The following TSHZ1 variants were observed in gnomAD, a reference collection of about 807,000 sequenced individuals.
The protein encoded by TSHZ1 is teashirt zinc finger homeobox 1.
In TSHZ1, 12 loss-of-function variants were observed where a neutral mutation model predicts 67.1. That is an observed-to-expected ratio of 0.18 (90% CI 0.11 to 0.29). TSHZ1 has a LOEUF of 0.29. TSHZ1 is among the 10% of genes least tolerant of loss of function. The pLI, the probability that TSHZ1 is intolerant of heterozygous loss-of-function variation, is 1.00. For synonymous variants in TSHZ1, 632 were observed against 622.4 expected (o/e 1.02, Z -0.23); for missense variants, 1,305 against 1,413.9 (o/e 0.92, Z 1.23).
Position 75,287,741 on chromosome 18 carries a change from C to T in TSHZ1, c.2334C>T (p.Ser778=), listed in dbSNP as rs2023798995. 6.2e-7 allele frequency: 1 copy of T among 1,614,026 alleles called. No homozygotes were observed. Among genetic ancestry groups the T allele is most frequent in the Non-Finnish European group, 8.5e-7 (1 of 1,180,024 alleles). The part of the protein sequence containing the change: ...LDPLAMLYKI[S]NSMLDKPVYP... ...CGCTGGCGATGCTGTACAAGATCAGCAACAGCATGCTGGACAAGCCGGTGT... is the reference window on the plus strand; with the variant it reads ...CGCTGGCGATGCTGTACAAGATCAGTAACAGCATGCTGGACAAGCCGGTGT... Residue 778 remains serine (S), a synonymous_variant, in exon 2 of 2, where the codon AGC becomes AGT. Coordinates refer to ENST00000580243, the MANE Select transcript of TSHZ1 (RefSeq NM_001308210.2). This position sits in a 1 kb window ranked among gnomAD's most constrained non-coding sequence, Gnocchi z 5.0.
chr18:75,232,294 T>C (rs1467483262), intron 1 of TSHZ1, among the ~76,000 whole-genome samples: 1 of 152,202 alleles, frequency 6.6e-6, no homozygotes, highest in Admixed American at 6.5e-5. Context: ...AGTTGAGTTT[T>C]AATGCGTCTA....
At chr18:75,213,107 T>G (rs1399966925) in intron 1 of TSHZ1, among the ~76,000 whole-genome samples, 1 of 152,212 alleles carries the variant, frequency 6.6e-6, no homozygotes, top group East Asian at 1.9e-4. Flanking sequence ...TGTTCAAGTC[T>G]TTATACGTGC....
intron 1 of TSHZ1, among the ~76,000 whole-genome samples, chr18:75,237,202 G>T (rs1202548899): frequency 6.6e-6 from 1 of 152,202 alleles, no homozygotes; most frequent in Non-Finnish European, 1.5e-5. Flanking sequence ...GAATCTTTCT[G>T]TTGCTGTCAT....
chr18:75,213,121 T>C (rs2022720817), intron 1 of TSHZ1, among the ~76,000 whole-genome samples: 1 of 152,230 alleles, frequency 6.6e-6, no homozygotes, highest in African/African-American at 2.4e-5. Flanking sequence ...TACGTGCTTT[T>C]TCTGGGGAAG....
At chr18:75,220,905 A>G (rs932442359) in intron 1 of TSHZ1, among the ~76,000 whole-genome samples, 12 of 152,210 alleles carry the variant, frequency 7.9e-5, no homozygotes, top group Non-Finnish European at 1.6e-4. Context: ...CAATTACATT[A>G]TTGTAGATTT....
intron 1 of TSHZ1, among the ~76,000 whole-genome samples, chr18:75,230,429 C>T (rs925923672): frequency 5.9e-5 from 9 of 152,190 alleles, no homozygotes; most frequent in African/African-American, 1.2e-4. Flanking sequence ...ACTCAACTTT[C>T]GCAGCCACAA....
chr18:75,287,585 C>G lies in TSHZ1; in HGVS notation c.2178C>G (p.Gly726=), dbSNP rs774687217. ...TEPLKAKVTN[G]CNNLGIIMDH... ...CTCTCAAAGCAAAGGTCACCAACGG[C>G]TGTAACAACCTGGGGATCATCATGG... is the stretch of plus-strand genomic sequence containing the variant. Residue 726 remains glycine, a synonymous_variant, in exon 2 of 2, where the codon GGC becomes GGG. Coordinates refer to ENST00000580243, the MANE Select transcript of TSHZ1 (RefSeq NM_001308210.2). This position sits in a 1 kb window ranked among gnomAD's most constrained non-coding sequence, Gnocchi z 5.0. 3 of 1,614,226 alleles carry G rather than the reference C, an allele frequency of 1.9e-6. No homozygotes were observed. In the East Asian group the frequency reaches 6.7e-5, roughly 36 times the overall value.
rs1166958983 is a variant in TSHZ1 at position 75,286,917 on chromosome 18, A to G, written c.1510A>G (p.Lys504Glu). The change falls in exon 2 of 2, where the codon AAG (lysine) becomes GAG (glutamate). Residue 504 changes from lysine to glutamate, a missense_variant. Coordinates refer to ENST00000580243, the MANE Select transcript of TSHZ1 (RefSeq NM_001308210.2). This position sits in a 1 kb window ranked among gnomAD's most constrained non-coding sequence, Gnocchi z 5.1. ...TTSEEKKEPE[K>E]EKPPVAGDAE... is the part of the protein sequence containing the mutation. Reference sequence around the variant, plus strand: ...TTCTGAAGAAAAGAAAGAGCCAGAGAAGGAGAAGCCGCCTGTGGCTGGCGA... The same window carrying G: ...TTCTGAAGAAAAGAAAGAGCCAGAGGAGGAGAAGCCGCCTGTGGCTGGCGA... 1 of 1,614,152 alleles carries G rather than the reference A, an allele frequency of 6.2e-7. No individual in the cohort carries two copies. The highest frequency in any genetic ancestry group is 1.7e-5 in the Admixed American group (1 of 60,028).
intron 1 of TSHZ1, among the ~76,000 whole-genome samples, chr18:75,259,431 A>C (rs934786306): frequency 7.2e-5 from 11 of 152,176 alleles, no homozygotes; most frequent in Admixed American, 3.3e-4. Flanking sequence ...TAGTGTGATG[A>C]AATCTTGTAC....
intron 1 of TSHZ1, among the ~76,000 whole-genome samples, chr18:75,236,547 G>A (rs576194781): frequency 6.6e-5 from 10 of 152,058 alleles, no homozygotes; most frequent in Non-Finnish European, 1.3e-4. Flanking sequence ...GCAAAGTGCC[G>A]ATATCTGATA....
At chr18:75,225,694 A>C (rs1489922933) in intron 1 of TSHZ1, among the ~76,000 whole-genome samples, 6 of 151,632 alleles carry the variant, frequency 4.0e-5, no homozygotes, top group African/African-American at 1.5e-4. Flanking sequence ...GTGGGCTCGC[A>C]CGCCATCCTG....
chr18:75,254,879 C>T (rs1306013389), intron 1 of TSHZ1, among the ~76,000 whole-genome samples: 1 of 152,154 alleles, frequency 6.6e-6, no homozygotes, highest in Non-Finnish European at 1.5e-5. Flanking sequence ...TTTTCCAGTG[C>T]TTAAACATTT....
chr18:75,215,524 G>T (rs2022755131), intron 1 of TSHZ1, among the ~76,000 whole-genome samples: 1 of 152,210 alleles, frequency 6.6e-6, no homozygotes, highest in Non-Finnish European at 1.5e-5. Context: ...TGTAGAAATG[G>T]ATGTTTAGAT....
chr18:75,212,705 C>A (rs2022715137), intron 1 of TSHZ1, among the ~76,000 whole-genome samples: 1 of 152,210 alleles, frequency 6.6e-6, no homozygotes, highest in South Asian at 2.1e-4. Context: ...ACTTTTCTCT[C>A]TCGCTCCCCC....
At chr18:75,221,123 C>G (rs1242981561) in intron 1 of TSHZ1, 1 of 152,190 alleles carries the variant, frequency 6.6e-6, no homozygotes, top group Non-Finnish European at 1.5e-5. Flanking sequence ...GTAGGCATTT[C>G]TGCCTCAACT....
Position 75,287,444 on chromosome 18 carries a change from T to G in TSHZ1, c.2037T>G (p.Asp679Glu), listed in dbSNP as rs1433722875. 1 of 1,614,064 alleles carries G rather than the reference T, an allele frequency of 6.2e-7. No individual in the cohort carries two copies. Among genetic ancestry groups the G allele is most frequent in the African/African-American group, 1.3e-5 (1 of 75,008 alleles). The change falls in exon 2 of 2, where the codon GAT becomes GAG. Residue 679 changes from aspartate to glutamate, a missense_variant. Asp to Glu is a conservative substitution (Grantham distance 45, BLOSUM62 2). This residue lies in a region of TSHZ1 where 909 missense variants were observed against 961.8 expected (regional missense o/e 0.95). Transcript: ENST00000580243. The surrounding 1 kb of genome is among the most constrained non-coding windows in gnomAD (Gnocchi z 5.0). ...CCCCCATAGCAAAAGAGAATAAAGA[T>G]TTCCCGAAAACGGAGGAAGTCAGCG... is the stretch of plus-strand genomic sequence containing the variant. ...AASPIAKENK[D>E]FPKTEEVSGK...
intron 1 of TSHZ1, among the ~76,000 whole-genome samples, chr18:75,246,403 GGTGTGTGTGTGT>G (rs74178999): frequency 1.8e-4 from 20 of 108,428 alleles, no homozygotes; most frequent in African/African-American, 5.7e-4. Context: ...TTTGGTTTCT[GGTGTGTGTGTGT>G]GTGTGTGTGT....
chr18:75,251,373 A>G (rs923272325), intron 1 of TSHZ1, among the ~76,000 whole-genome samples: 1 of 151,926 alleles, frequency 6.6e-6, no homozygotes, highest in African/African-American at 2.4e-5. Flanking sequence ...TTTGCTCTAC[A>G]GATATTTTTC....
chr18:75,220,759 A>T (rs1025626179), intron 1 of TSHZ1, among the ~76,000 whole-genome samples: 2 of 152,146 alleles, frequency 1.3e-5, no homozygotes, highest in East Asian at 3.8e-4. Context: ...TTCATCCACC[A>T]CACTGCTGCA....
Sources: allele counts gnomAD v4.1 joint callset (sites outside exome capture counted in the v4.1 genomes callset), GRCh38; gene constraint gnomAD v4.1.1; regional missense constraint gnomAD v4.1.1; non-coding constraint Gnocchi (gnomAD v3.1); transcripts MANE v1.5; gene names NCBI Gene and HGNC (gene_info 2026-07-23, HGNC 2026-07-21).